Variants in CYP2C19 observed in about 807,000 individuals in gnomAD.
CYP2C19 encodes the protein cytochrome P450 family 2 subfamily C member 19, also known as cytochrome P450 2C19.
In CYP2C19, 59 loss-of-function variants were observed where a neutral mutation model predicts 40.9. The observed-to-expected ratio is 1.44, with a 90% CI of 1.17 to 1.79. The LOEUF (loss-of-function observed/expected upper bound fraction) is 1.79, where lower values mean the gene tolerates loss of function less well. CYP2C19 is among the 40% of genes most tolerant of loss of function. The pLI is 0.00. For synonymous variants in CYP2C19, 253 were observed against 208.7 expected (o/e 1.21, Z -1.83); for missense variants, 754 against 596.9 (o/e 1.26, Z -2.74).
intron 5 of CYP2C19, among the ~76,000 whole-genome samples, chr10:94,810,635 A>T (rs1848906633): frequency 6.6e-6 from 1 of 152,040 alleles, no homozygotes; most frequent in African/African-American, 2.4e-5. Context: ...GTGTCTAGAA[A>T]TTTATCCATT....
At chr10:94,852,314 C>A (rs1849665756) in intron 8 of CYP2C19, among the ~76,000 whole-genome samples, 1 of 152,104 alleles carries the variant, frequency 6.6e-6, no homozygotes, top group Non-Finnish European at 1.5e-5. Flanking sequence ...GCATACTGAG[C>A]CAGAAATACA....
rs528848688 is a variant in CYP2C19 at position 94,830,379 on chromosome 10, C to G, written c.961+9742C>G. On this transcript the variant is annotated intron_variant, in intron 6 of 8. Coordinates refer to ENST00000371321, the MANE Select transcript of CYP2C19 (RefSeq NM_000769.4). ...GTGGTGCACCGTTTTTTAAGCCCATCGGAAAAGCGCAGTATTCGGGTGGGA... is the reference window on the plus strand; with the variant it reads ...GTGGTGCACCGTTTTTTAAGCCCATGGGAAAAGCGCAGTATTCGGGTGGGA... 3.9e-5 allele frequency among the ~76,000 whole-genome samples: 6 copies of G among 152,310 alleles called. No homozygotes were observed. The South Asian group carries it at 8.3e-4, about 21-fold the overall frequency.
intron 6 of CYP2C19, among the ~76,000 whole-genome samples, chr10:94,821,253 T>G (rs1463387133): frequency 1.3e-5 from 2 of 152,146 alleles, no homozygotes; most frequent in Non-Finnish European, 2.9e-5. Flanking sequence ...AGAGACAACA[T>G]AAGTTGGCCT....
At chr10:94,808,820 T>C (rs567646193) in intron 5 of CYP2C19, among the ~76,000 whole-genome samples, 2 of 152,320 alleles carry the variant, frequency 1.3e-5, no homozygotes, top group South Asian at 2.1e-4. Flanking sequence ...CCACGTTTTC[T>C]TTATCCACTC....
At chr10:94,839,350 T>C (rs1849454571) in intron 6 of CYP2C19, among the ~76,000 whole-genome samples, 1 of 152,100 alleles carries the variant, frequency 6.6e-6, no homozygotes, top group Non-Finnish European at 1.5e-5. Flanking sequence ...GCTAATCGGA[T>C]TACTTATGCT....
chr10:94,845,955 C>T (rs1393369847), intron 7 of CYP2C19, among the ~76,000 whole-genome samples: 2 of 152,018 alleles, frequency 1.3e-5, no homozygotes, highest in African/African-American at 4.8e-5. Flanking sequence ...ATCCATCTAT[C>T]TAGACCTCAA....
chr10:94,789,624 T>C (rs1176369130), intron 5 of CYP2C19, among the ~76,000 whole-genome samples: 1 of 152,154 alleles, frequency 6.6e-6, no homozygotes, highest in Non-Finnish European at 1.5e-5. Flanking sequence ...TTTCTTTTTT[T>C]GTCAGGTTTG....
rs200742028 is a variant in CYP2C19 at position 94,821,098 on chromosome 10, GGAAAA to G, written c.961+477_961+481del. Among the ~76,000 whole-genome samples the G allele has an allele frequency of 2.2e-4, 33 of 151,974 alleles. 1 individual carries two copies. Among genetic ancestry groups the G allele is most frequent in the Admixed American group, 4.6e-4 (7 of 15,218 alleles). On this transcript the variant is annotated intron_variant, in intron 6 of 8. Coordinates refer to ENST00000371321, the MANE Select transcript of CYP2C19 (RefSeq NM_000769.4). ...ACCCTGTCTCAGAAAAGAAAAAAAA[GGAAAA>G]GAAAAGAAAAGAAAAAAAGGACATC...
chr10:94,809,063 G>A (rs536994324), intron 5 of CYP2C19, among the ~76,000 whole-genome samples: 20 of 152,060 alleles, frequency 1.3e-4, no homozygotes, highest in South Asian at 2.1e-4. Context: ...AATATATGAG[G>A]GTTCCTTTTT....
At chr10:94,824,916 C>T (rs373086341) in intron 6 of CYP2C19, among the ~76,000 whole-genome samples, 411 of 149,018 alleles carry the variant, frequency 2.8e-3, no homozygotes, top group African/African-American at 9.7e-3. Flanking sequence ...GTTTGGTTTT[C>T]TGTTCTTGTG....
At chr10:94,787,900 G>GA (rs2134243907) in intron 5 of CYP2C19, among the ~76,000 whole-genome samples, 1 of 152,192 alleles carries the variant, frequency 6.6e-6, no homozygotes, top group African/African-American at 2.4e-5. Context: ...CTTATTCTGT[G>GA]AAAAATGACA....
chr10:94,776,378 A>T (rs993221181), intron 3 of CYP2C19: 2 of 152,128 alleles, frequency 1.3e-5, no homozygotes, highest in Admixed American at 1.3e-4. Flanking sequence ...TATGGTAATT[A>T]TTATTTTCCA....
chr10:94,818,927 A>C (rs1262943053), intron 5 of CYP2C19, among the ~76,000 whole-genome samples: 10 of 152,144 alleles, frequency 6.6e-5, no homozygotes, highest in Non-Finnish European at 1.5e-4. Context: ...CCAAATCAAC[A>C]GAATATACAT....
At chr10:94,775,868 T>A in intron 3 of CYP2C19, 1 of 379,488 alleles carries the variant, frequency 2.6e-6, no homozygotes, top group Non-Finnish European at 4.9e-6. Context: ...GTTTTTCCCA[T>A]TATCTATTCC....
At chr10:94,822,206 G>A (rs1427581345) in intron 6 of CYP2C19, among the ~76,000 whole-genome samples, 1 of 152,024 alleles carries the variant, frequency 6.6e-6, no homozygotes, top group African/African-American at 2.4e-5. Flanking sequence ...ACCTGAGGCT[G>A]GGTAATTCAT....
chr10:94,768,091 G>C (rs1022988149), intron 1 of CYP2C19, among the ~76,000 whole-genome samples: 1 of 152,186 alleles, frequency 6.6e-6, no homozygotes, highest in African/African-American at 2.4e-5. Context: ...GTATTTAATG[G>C]GGGTTTCTCC....
At chr10:94,778,544 G>A (rs773889830) in intron 3 of CYP2C19, among the ~76,000 whole-genome samples, 22 of 152,170 alleles carry the variant, frequency 1.4e-4, no homozygotes, top group Non-Finnish European at 2.1e-4. Flanking sequence ...ATTAGAGAAT[G>A]CAAATCAAAA....
At chr10:94,813,519 G>A (rs896032685) in intron 5 of CYP2C19, among the ~76,000 whole-genome samples, 3 of 151,952 alleles carry the variant, frequency 2.0e-5, no homozygotes. Context: ...GGCTACAGTG[G>A]CTTTGCGGAG....
At chr10:94,836,426 T>G (rs1357869260) in intron 6 of CYP2C19, among the ~76,000 whole-genome samples, 2 of 152,230 alleles carry the variant, frequency 1.3e-5, no homozygotes, top group Admixed American at 1.3e-4. Context: ...AGAAAAGTCT[T>G]GCCCTGTTGG....
Sources: allele counts gnomAD v4.1 joint callset (sites outside exome capture counted in the v4.1 genomes callset), GRCh38; gene constraint gnomAD v4.1.1; transcripts MANE v1.5; gene names NCBI Gene and HGNC (gene_info 2026-07-23, HGNC 2026-07-21).